The following CRYM variants were observed in gnomAD, a reference collection of about 807,000 sequenced individuals.
CRYM encodes the protein ketimine reductase mu-crystallin.
CRYM carries 18 observed loss-of-function variants against 32.9 expected under a neutral mutation model. The ratio of observed to expected loss-of-function variants is 0.55; its 90% confidence interval spans 0.38 to 0.81. The LOEUF is 0.81. Among genes scored for constraint, CRYM ranks in the 30% least tolerant of loss-of-function variants. The pLI, the probability that CRYM is intolerant of heterozygous loss-of-function variation, is 0.00. For synonymous variants in CRYM, 153 were observed against 152.4 expected (o/e 1.00, Z -0.03); for missense variants, 337 against 393.5 (o/e 0.86, Z 1.21).
At chr16:21,292,190 G>T (rs1407217370) in intron 1 of CRYM, among the ~76,000 whole-genome samples, 4 of 152,044 alleles carry the variant, frequency 2.6e-5, no homozygotes, top group Non-Finnish European at 4.4e-5. Context: ...AATACCCTCA[G>T]CAATAAAAAT....
intron 4 of CRYM, 100 bp from the exon 5 acceptor site, chr16:21,267,837 T>C: frequency 2.6e-6 from 3 of 1,132,380 alleles, no homozygotes; most frequent in Non-Finnish European, 4.0e-6. Flanking sequence ...TACTCTGGCA[T>C]AGGGGTCAGT....
chr16:21,265,098 G>C (rs2093361420), intron 5 of CRYM, among the ~76,000 whole-genome samples: 1 of 152,022 alleles, frequency 6.6e-6, no homozygotes, highest in African/African-American at 2.4e-5. Flanking sequence ...ATGCAGCCTT[G>C]GAAACCCATT....
intron 3 of CRYM, among the ~76,000 whole-genome samples, chr16:21,271,876 T>C (rs1418316855): frequency 6.6e-6 from 1 of 152,062 alleles, no homozygotes; most frequent in Non-Finnish European, 1.5e-5. Flanking sequence ...TTTTTTTTTT[T>C]CCGAGACAGT....
intron 1 of CRYM, among the ~76,000 whole-genome samples, chr16:21,302,434 T>C (rs1406463096): frequency 1.3e-5 from 2 of 152,192 alleles, no homozygotes; most frequent in Non-Finnish European, 2.9e-5. Context: ...TTAGTTTTCC[T>C]TTGTGAAAGC....
At chr16:21,264,921 G>A (rs768045007) in intron 5 of CRYM, among the ~76,000 whole-genome samples, 2 of 152,162 alleles carry the variant, frequency 1.3e-5, no homozygotes, top group African/African-American at 2.4e-5. Flanking sequence ...GAGGACCCCC[G>A]AGCATGAGAT....
chr16:21,286,553 G>T (rs918928560), intron 1 of CRYM, among the ~76,000 whole-genome samples: 1 of 151,806 alleles, frequency 6.6e-6, no homozygotes, highest in African/African-American at 2.4e-5. Flanking sequence ...AAGGATATTT[G>T]ATTATTTCTG....
intron 3 of CRYM, among the ~76,000 whole-genome samples, chr16:21,271,943 C>G (rs924064368): frequency 1.3e-5 from 2 of 151,868 alleles, no homozygotes; most frequent in Non-Finnish European, 2.9e-5. Flanking sequence ...ACTGCAACCT[C>G]TGCTTCCTGG....
At chr16:21,287,090 A>AC (rs1491520342) in intron 1 of CRYM, among the ~76,000 whole-genome samples, 2 of 75,194 alleles carry the variant, frequency 2.7e-5, no homozygotes, top group African/African-American at 6.1e-5. Flanking sequence ...ACTCCGTCTC[A>AC]AAAAAAAAAA....
Position 21,297,357 on chromosome 16 carries a change from C to A in CRYM, c.-193+5621G>T, listed in dbSNP as rs554215960. ...ACAGAGAACTGAGATCTCACCATCG[C>A]ACTCCAGCCTGGGCAACAAGAGCAA... On this transcript the variant is annotated intron_variant, in intron 1 of 9. Transcript: ENST00000219599. 1.3e-5 allele frequency among the ~76,000 whole-genome samples: 2 copies of A among 151,912 alleles called. 1 individual carries two copies. The highest frequency in any genetic ancestry group is 4.2e-4 in the South Asian group (2 of 4,798).
intron 4 of CRYM, among the ~76,000 whole-genome samples, chr16:21,268,870 G>A (rs892318196): frequency 1.3e-5 from 2 of 152,224 alleles, no homozygotes; most frequent in African/African-American, 4.8e-5. Context: ...GCAACTGGGC[G>A]CAGTGGTTCA....
At chr16:21,260,987 G>A in intron 7 of CRYM, 1 of 542,396 alleles carries the variant, frequency 1.8e-6, no homozygotes, top group Non-Finnish European at 3.3e-6. Context: ...ATGGTAACAG[G>A]TGGTGAGGAA....
Position 21,267,649 on chromosome 16 carries a change from T to C in CRYM, c.578A>G (p.Glu193Gly). 1 of 1,614,198 alleles carries C rather than the reference T, an allele frequency of 6.2e-7. No individual in the cohort carries two copies. The highest frequency in any genetic ancestry group is 1.1e-5 in the South Asian group (1 of 91,082). The change falls in exon 5 of 8, where the codon GAG (glutamate) becomes GGG (glycine). Residue 193 changes from glutamate (E) to glycine (G), a missense_variant. By Grantham distance (98) the Glu-to-Gly change is moderately conservative (BLOSUM62 -2). Transcript: ENST00000572914. The stretch of plus-strand genomic sequence containing the variant: ...GATCACATCTGCACCTGCCACAGCC[T>C]CCTGGACCGAAGAACAGACCCGTAC... Reference protein sequence around the residue: ...GEVRVCSSVQEAVAGADVIIT... With the variant: ...GEVRVCSSVQGAVAGADVIIT...
intron 1 of CRYM, among the ~76,000 whole-genome samples, chr16:21,291,343 G>C (rs1229794193): frequency 6.6e-6 from 1 of 152,118 alleles, no homozygotes; most frequent in African/African-American, 2.4e-5. Flanking sequence ...CAGAAAGTGA[G>C]TATCTGAGGC....
chr16:21,268,442 CT>C (rs1056037495), intron 4 of CRYM: 2 of 152,244 alleles, frequency 1.3e-5, no homozygotes, highest in Non-Finnish European at 2.9e-5. Flanking sequence ...GAGCTGGGGA[CT>C]TGCCGACTTG....
intron 1 of CRYM, chr16:21,300,942 CG>C (rs1960903893): frequency 6.6e-6 from 1 of 152,394 alleles, no homozygotes; most frequent in Non-Finnish European, 1.5e-5. Context: ...GAGTGGCTGG[CG>C]GGTAAAGGCA....
intron 1 of CRYM, among the ~76,000 whole-genome samples, chr16:21,286,160 CA>C (rs1218044537): frequency 6.6e-6 from 1 of 150,990 alleles, no homozygotes; most frequent in Admixed American, 6.6e-5. Context: ...TGAGAAGAAT[CA>C]AAATAAAACA....
intron 5 of CRYM, among the ~76,000 whole-genome samples, chr16:21,263,563 A>T (rs973099292): frequency 4.2e-4 from 64 of 152,172 alleles, no homozygotes; most frequent in Admixed American, 4.2e-3. Flanking sequence ...AAAGAAAAAA[A>T]ACAACAACAA....
chr16:21,291,041 T>C (rs1339968157), intron 1 of CRYM, among the ~76,000 whole-genome samples: 3 of 152,250 alleles, frequency 2.0e-5, no homozygotes, highest in Admixed American at 2.0e-4. Context: ...TACTTTATGC[T>C]AAAAACGGAG....
intron 1 of CRYM, among the ~76,000 whole-genome samples, chr16:21,292,531 A>G (rs1960685202): frequency 6.6e-6 from 1 of 152,184 alleles, no homozygotes; most frequent in Non-Finnish European, 1.5e-5. Flanking sequence ...ATCTCAATCA[A>G]CATCCTAGAG....
Sources: gnomAD v4.1 joint callset for allele counts (sites outside exome capture counted in the v4.1 genomes callset) on GRCh38, gnomAD v4.1.1 for gene constraint, MANE v1.5 for transcripts, NCBI Gene and HGNC (gene_info 2026-07-23, HGNC 2026-07-21) for gene names.